ATR: variants seen among roughly 807,000 people sequenced by gnomAD.
ATR encodes ATR checkpoint kinase.
A neutral mutation model predicts 305.3 loss-of-function variants in ATR; 142 were observed. The ratio of observed to expected loss-of-function variants is 0.47; its 90% CI spans 0.41 to 0.53. The LOEUF (loss-of-function observed/expected upper bound fraction) is 0.53, where lower values mean the gene tolerates loss of function less well. ATR is among the 20% of genes least tolerant of loss of function. The pLI is 0.00. For synonymous variants in ATR, 1,050 were observed against 1,068.1 expected, an observed-to-expected ratio of 0.98 and a Z score of 0.33; for missense variants, 2,135 against 3,133.1, an observed-to-expected ratio of 0.68 and a Z score of 7.60.
intron 3 of ATR, among the ~76,000 whole-genome samples, chr3:142,564,811 G>C (rs554088344): frequency 1.3e-5 from 2 of 152,100 alleles, no homozygotes; most frequent in African/African-American, 4.8e-5. Context: ...GAGTGCAACG[G>C]CATGGTCTTA....
intron 46 of ATR, chr3:142,451,172 G>GAAAACTTC: frequency 8.3e-7 from 1 of 1,201,268 alleles, no homozygotes; most frequent in Non-Finnish European, 1.0e-6. Context: ...ATCTTCCAAA[G>GAAAACTTC]AAAACTTCAA....
At chr3:142,472,038 G>A (rs920373637) in intron 36 of ATR, 3 of 150,804 alleles carry the variant, frequency 2.0e-5, no homozygotes, top group Non-Finnish European at 2.9e-5. Context: ...ATCCATCTTC[G>A]CACAAATAAC....
At chr3:142,522,955 A>G in intron 22 of ATR, 114 bp from the exon 23 acceptor site, 1 of 832,262 alleles carries the variant, frequency 1.2e-6, no homozygotes, top group Non-Finnish European at 2.0e-6. Flanking sequence ...TTTAACTTAG[A>G]CAAAGGAAAA....
chr3:142,453,320 G>A, intron 45 of ATR, 87 bp from the exon 46 acceptor site: 1 of 1,447,474 alleles, frequency 6.9e-7, no homozygotes, highest in Non-Finnish European at 9.6e-7. Context: ...AGGATGAGAA[G>A]CTAATGGTAA....
intron 8 of ATR, among the ~76,000 whole-genome samples, chr3:142,557,620 A>C (rs955796010): frequency 6.6e-6 from 1 of 152,198 alleles, no homozygotes; most frequent in African/African-American, 2.4e-5. Flanking sequence ...GGGGAAAAAA[A>C]TGAGGGGAAT....
intron 36 of ATR, among the ~76,000 whole-genome samples, chr3:142,482,705 A>G (rs897081687): frequency 6.6e-6 from 1 of 151,980 alleles, no homozygotes; most frequent in Admixed American, 6.6e-5. Flanking sequence ...GCATGGTGGC[A>G]TGTGCCTATA....
chr3:142,544,343 T>C (rs2034178049), intron 16 of ATR, among the ~76,000 whole-genome samples: 1 of 148,346 alleles, frequency 6.7e-6, no homozygotes, highest in South Asian at 2.1e-4. Context: ...TCCCAGCTAC[T>C]CAGGAGGCTG....
intron 2 of ATR, 31 bp from the exon 3 acceptor site, chr3:142,566,292 AT>A: frequency 6.2e-7 from 1 of 1,608,184 alleles, no homozygotes; most frequent in Non-Finnish European, 8.5e-7. Context: ...TTAAAGAGTC[AT>A]GACAAATTAA....
chr3:142,566,122 A>G lies in ATR; in HGVS notation c.291T>C (p.Ile97=). ...GAATGCATGAATAACAGCACTTACCAATACAACTGCCTTTGGCCTCATGGC... is the reference window on the plus strand; with the variant it reads ...GAATGCATGAATAACAGCACTTACCGATACAACTGCCTTTGGCCTCATGGC... ...SGSHEAKGSC[I]EFSNWIITRL... Residue 97 remains isoleucine (I), a splice_region_variant and synonymous_variant, in exon 3 of 47, where the codon ATT becomes ATC. Coordinates refer to ENST00000350721, the MANE Select transcript of ATR (RefSeq NM_001184.4). 6.2e-7 allele frequency: 1 copy of G among 1,614,192 alleles called. No individual in the cohort carries two copies. The highest frequency in any genetic ancestry group is 1.1e-5 in the South Asian group (1 of 91,088).
At chr3:142,452,375 A>T (rs1301556098) in intron 46 of ATR, 14 of 987,022 alleles carry the variant, frequency 1.4e-5, no homozygotes, top group Non-Finnish European at 1.7e-5. Context: ...ATTCTAACTT[A>T]TTAAAAACAA....
At position 142,558,626 on chromosome 3, in the gene ATR, T is replaced by C. The variant is rs769300741; in HGVS notation, c.1883A>G (p.Tyr628Cys). The C allele has an allele frequency of 2.1e-5, 34 of 1,611,586 alleles. No homozygotes were observed. Among genetic ancestry groups the C allele is most frequent in the Non-Finnish European group, 2.8e-5 (33 of 1,178,506 alleles). Residue 628 changes from tyrosine (Y) to cysteine (C), a missense_variant and splice_region_variant, in exon 8 of 47, where the codon TAT (tyrosine) becomes TGT (cysteine). Coordinates refer to ENST00000350721, the MANE Select transcript of ATR (RefSeq NM_001184.4). Reference protein sequence around the residue: ...LTLSCRISDSYSPQAQSRCVF... With the variant: ...LTLSCRISDSCSPQAQSRCVF... ...CACACATTCTTGTGAGCACTTACAA[T>C]AGCTATCTGAAATCCTACAGCTTAA... is the stretch of plus-strand genomic sequence containing the variant.
intron 11 of ATR, 26 bp downstream of exon 11, chr3:142,553,799 A>C (rs1307163600): frequency 6.2e-7 from 1 of 1,611,892 alleles, no homozygotes; most frequent in African/African-American, 1.3e-5. Flanking sequence ...ACGTAAACTC[A>C]AATGTTAAAA....
At chr3:142,541,613 G>A (rs1393820432) in intron 17 of ATR, among the ~76,000 whole-genome samples, 2 of 152,124 alleles carry the variant, frequency 1.3e-5, no homozygotes, top group Non-Finnish European at 2.9e-5. Flanking sequence ...TTATAATGAA[G>A]GGGTAAAGAA....
intron 35 of ATR, among the ~76,000 whole-genome samples, chr3:142,489,587 T>G (rs2031159083): frequency 6.6e-6 from 1 of 152,222 alleles, no homozygotes; most frequent in Non-Finnish European, 1.5e-5. Context: ...ATGTCCCTCT[T>G]CTTTCATTCA....
At chr3:142,451,124 A>C in intron 46 of ATR, 1 of 1,259,800 alleles carries the variant, frequency 7.9e-7, no homozygotes, top group Non-Finnish European at 1.0e-6. Flanking sequence ...GCTCAGGTGT[A>C]ATTCCCTCCT....
Position 142,461,954 on chromosome 3 carries a change from A to C in ATR, c.7178T>G (p.Leu2393Arg). 6.2e-7 allele frequency: 1 copy of C among 1,613,576 alleles called. No homozygotes were observed. Among genetic ancestry groups the C allele is most frequent in the Non-Finnish European group, 8.5e-7 (1 of 1,179,740 alleles). Residue 2393 changes from leucine to arginine, a missense_variant, in exon 42 of 47, where the codon CTA (leucine) becomes CGA (arginine). Transcript: ENST00000350721. ...TAGLRPILTK[L>R]YKEKGVYMTG... ...AATTTTAGTACCCTTTTCTTTATAT[A>C]GTTTGGTCAGAATAGGTCTCAAACC...
intron 1 of ATR, 77 bp downstream of exon 1, chr3:142,578,569 G>C (rs949586541): frequency 6.7e-7 from 1 of 1,489,088 alleles, no homozygotes; most frequent in South Asian, 1.2e-5. Flanking sequence ...TAGCGCAGCA[G>C]GGGAGGGGAG....
chr3:142,561,903 T>C (rs1289498149), intron 4 of ATR, among the ~76,000 whole-genome samples: 2 of 152,222 alleles, frequency 1.3e-5, no homozygotes, highest in East Asian at 3.8e-4. Context: ...GTCAGACACA[T>C]AATCTGATTG....
intron 18 of ATR, among the ~76,000 whole-genome samples, chr3:142,540,078 C>A (rs2033994876): frequency 6.6e-6 from 1 of 152,004 alleles, no homozygotes; most frequent in Non-Finnish European, 1.5e-5. Context: ...ATAAATTGAA[C>A]CTAAATCTAA....
Sources: gnomAD v4.1 joint callset for allele counts (sites outside exome capture counted in the v4.1 genomes callset) on GRCh38, gnomAD v4.1.1 for gene constraint, MANE v1.5 for transcripts, NCBI Gene and HGNC (gene_info 2026-07-23, HGNC 2026-07-21) for gene names.